CDH12: variants seen among roughly 807,000 people sequenced by gnomAD.
The protein encoded by CDH12 is cadherin 12.
CDH12 carries 41 observed loss-of-function variants against 74.1 expected under a neutral mutation model. That is an observed-to-expected ratio of 0.55 (90% CI 0.43 to 0.72). The LOEUF is 0.72. Among genes scored for constraint, CDH12 ranks in the 30% least tolerant of loss-of-function variants. The probability of loss-of-function intolerance (pLI) is 0.00; values close to 1 mark genes in which losing one functional copy is unlikely to be tolerated. For synonymous variants in CDH12, 399 were observed against 355.0 expected (o/e 1.12, Z -1.39); for missense variants, 945 against 977.2 (o/e 0.97, Z 0.44).
chr5:21,994,928 A>G (rs1312442272), intron 5 of CDH12, among the ~76,000 whole-genome samples: 2 of 152,136 alleles, frequency 1.3e-5, no homozygotes, highest in East Asian at 1.9e-4. Flanking sequence ...TGAGCCAGCA[A>G]CGGCAACGGA....
chr5:22,186,718 G>T (rs376932700), intron 4 of CDH12, among the ~76,000 whole-genome samples: 2 of 152,104 alleles, frequency 1.3e-5, no homozygotes, highest in African/African-American at 2.4e-5. Flanking sequence ...TGATGCCCCC[G>T]CCTTGGCCTC....
chr5:21,854,533 C>T, intron 7 of CDH12, 138 bp downstream of exon 7: 1 of 534,300 alleles, frequency 1.9e-6, no homozygotes, highest in Admixed American at 3.5e-5. Context: ...AAGGAAAGAT[C>T]CCATCTTCTT....
chr5:21,844,020 T>C (rs894416932), intron 7 of CDH12, among the ~76,000 whole-genome samples: 13 of 152,156 alleles, frequency 8.5e-5, no homozygotes, highest in Non-Finnish European at 1.3e-4. Context: ...ATTATTTCTA[T>C]CACTATCCAA....
chr5:22,179,116 G>A (rs1749497344), intron 4 of CDH12, among the ~76,000 whole-genome samples: 1 of 152,180 alleles, frequency 6.6e-6, no homozygotes, highest in Non-Finnish European at 1.5e-5. Context: ...GCACATAATA[G>A]GCAGTTAATA....
At chr5:22,830,395 A>T (rs1455391770) in intron 1 of CDH12, among the ~76,000 whole-genome samples, 1 of 152,114 alleles carries the variant, frequency 6.6e-6, no homozygotes, top group African/African-American at 2.4e-5. Flanking sequence ...AGCATAGTTC[A>T]TGAATATTAT....
chr5:21,867,911 C>T (rs1046194307), intron 6 of CDH12, among the ~76,000 whole-genome samples: 17 of 152,096 alleles, frequency 1.1e-4, no homozygotes, highest in Non-Finnish European at 1.5e-5. Flanking sequence ...AATTGTAGCT[C>T]CCATAATTTC....
chr5:22,661,246 G>T (rs1281457736), intron 1 of CDH12, among the ~76,000 whole-genome samples: 1 of 152,172 alleles, frequency 6.6e-6, no homozygotes, highest in Non-Finnish European at 1.5e-5. Flanking sequence ...ATTAGCTGCA[G>T]CCAAGTGAAT....
chr5:22,751,632 T>C (rs1363266461), intron 1 of CDH12, among the ~76,000 whole-genome samples: 1 of 152,094 alleles, frequency 6.6e-6, no homozygotes, highest in African/African-American at 2.4e-5. Flanking sequence ...AGGAGGTGTT[T>C]GTAAAAAGTT....
chr5:22,482,132 C>T (rs572946852), intron 2 of CDH12, among the ~76,000 whole-genome samples: 1 of 152,126 alleles, frequency 6.6e-6, no homozygotes, highest in Admixed American at 6.5e-5. Flanking sequence ...GAGGAAAGAA[C>T]CCATGAACGT....
At chr5:21,886,686 C>T (rs1752652092) in intron 6 of CDH12, among the ~76,000 whole-genome samples, 1 of 150,914 alleles carries the variant, frequency 6.6e-6, no homozygotes, top group Non-Finnish European at 1.5e-5. Context: ...CACATAAGCA[C>T]TTAATCTCTA....
chr5:22,531,755 T>C (rs1050834037), intron 1 of CDH12, among the ~76,000 whole-genome samples: 2 of 152,130 alleles, frequency 1.3e-5, no homozygotes, highest in African/African-American at 4.8e-5. Context: ...TGGAGGCAAC[T>C]GGTACCTTCC....
At chr5:22,061,890 C>T (rs1291072182) in intron 5 of CDH12, among the ~76,000 whole-genome samples, 2 of 152,020 alleles carry the variant, frequency 1.3e-5, no homozygotes, top group African/African-American at 4.8e-5. Context: ...TTTCACGTGG[C>T]TAATGATTAT....
chr5:22,654,459 G>A (rs1739919536), intron 1 of CDH12, among the ~76,000 whole-genome samples: 1 of 151,012 alleles, frequency 6.6e-6, no homozygotes, highest in African/African-American at 2.4e-5. Context: ...CCGGCTAATT[G>A]TGGTATTTTT....
Position 22,523,969 on chromosome 5 carries a change from T to TTTA in CDH12, c.-522-18608_-522-18606dup, listed in dbSNP as rs199923576. 5.3e-3 allele frequency among the ~76,000 whole-genome samples: 766 copies of TTTA among 144,326 alleles called. 12 individuals carry two copies. The highest frequency in any genetic ancestry group is 0.013 in the Admixed American group (185 of 14,652). The allele number at this position is 144,326 out of a possible 152,430, so 94.7% of individuals were successfully genotyped here. A position where few individuals can be genotyped will look rare whatever the true frequency, so the allele number is the denominator to read the frequency against. ...CCTGAAATCTTCTATGCTTCATTCA[T>TTTA]TTATTATTATTATTTTTTTTTTTTT... On this transcript the variant is annotated intron_variant, in intron 1 of 14. Coordinates refer to ENST00000382254, the MANE Select transcript of CDH12 (RefSeq NM_004061.5).
intron 1 of CDH12, among the ~76,000 whole-genome samples, chr5:22,849,377 GTATGT>G (rs1021094855): frequency 3.9e-5 from 6 of 152,034 alleles, no homozygotes; most frequent in Non-Finnish European, 7.4e-5. Context: ...GATTTTTTTT[GTATGT>G]TATAATAATT....
At chr5:21,767,781 A>G in intron 11 of CDH12, among the ~76,000 whole-genome samples, 1 of 151,726 alleles carries the variant, frequency 6.6e-6, no homozygotes. Context: ...ATTAAACATT[A>G]AGAACGTCAC....
chr5:22,437,408 A>C (rs1319620715), intron 2 of CDH12, among the ~76,000 whole-genome samples: 1 of 151,846 alleles, frequency 6.6e-6, no homozygotes, highest in Non-Finnish European at 1.5e-5. Context: ...TACTTAATAC[A>C]AACTATTTTT....
intron 11 of CDH12, among the ~76,000 whole-genome samples, chr5:21,781,022 A>G (rs950812634): frequency 6.6e-6 from 1 of 152,126 alleles, no homozygotes; most frequent in Non-Finnish European, 1.5e-5. Context: ...TCTTCTCCCT[A>G]TAATATGACT....
At chr5:22,514,490 G>A (rs1336837932) in intron 1 of CDH12, among the ~76,000 whole-genome samples, 1 of 151,290 alleles carries the variant, frequency 6.6e-6, no homozygotes, top group Non-Finnish European at 1.5e-5. Context: ...GAAATAACCA[G>A]ATCCCAGGAA....
Sources: gnomAD v4.1 joint callset for allele counts (sites outside exome capture counted in the v4.1 genomes callset) on GRCh38, gnomAD v4.1.1 for gene constraint, MANE v1.5 for transcripts, NCBI Gene and HGNC (gene_info 2026-07-23, HGNC 2026-07-21) for gene names.